SGCZ: variants seen among roughly 807,000 people sequenced by gnomAD.
SGCZ encodes zeta-sarcoglycan.
A neutral mutation model predicts 41.3 loss-of-function variants in SGCZ; 40 were observed. The ratio of observed to expected loss-of-function variants is 0.97; its 90% CI spans 0.75 to 1.26. SGCZ has a LOEUF of 1.26. Among genes scored for constraint, SGCZ ranks in the 50% most tolerant of loss-of-function variants. SGCZ has a pLI of 0.00. For synonymous variants in SGCZ, 206 were observed against 137.5 expected, an observed-to-expected ratio of 1.50 and a Z score of -3.49; for missense variants, 552 against 369.8, an observed-to-expected ratio of 1.49 and a Z score of -4.04.
intron 1 of SGCZ, among the ~76,000 whole-genome samples, chr8:14,746,059 A>C (rs972038824): frequency 7.9e-5 from 12 of 152,038 alleles, no homozygotes; most frequent in African/African-American, 2.7e-4. Flanking sequence ...ATATATTTAG[A>C]AATTATTTTT....
intron 1 of SGCZ, among the ~76,000 whole-genome samples, chr8:14,781,069 T>C (rs1800573316): frequency 6.6e-6 from 1 of 152,186 alleles, no homozygotes; most frequent in Non-Finnish European, 1.5e-5. Flanking sequence ...TTAGTGTATA[T>C]GCCTGAGGGA....
Position 14,791,490 on chromosome 8 carries a change from C to A in SGCZ, c.40-236564G>T, listed in dbSNP as rs556317659. Among the ~76,000 whole-genome samples, 5 of 152,026 alleles carry A rather than the reference C, an allele frequency of 3.3e-5. No individual in the cohort carries two copies. The East Asian group carries it at 9.7e-4, about 29-fold the overall frequency. ...AAAAAAATCCTATTTTTCCTTTAAC[C>A]ACCTAAAATCCACATCCCCTGTAGT... On this transcript the variant is annotated intron_variant, in intron 1 of 7. Coordinates refer to ENST00000382080, the MANE Select transcript of SGCZ (RefSeq NM_139167.4).
At chr8:14,843,099 C>G (rs1021777224) in intron 1 of SGCZ, among the ~76,000 whole-genome samples, 2 of 152,126 alleles carry the variant, frequency 1.3e-5, no homozygotes, top group African/African-American at 4.8e-5. Context: ...GTAATCCCAG[C>G]TACTTGGAAG....
chr8:14,955,160 C>A (rs541572596), intron 1 of SGCZ, among the ~76,000 whole-genome samples: 2 of 152,072 alleles, frequency 1.3e-5, no homozygotes, highest in Admixed American at 6.5e-5. Flanking sequence ...CCATATCCAG[C>A]GTAATTTAGT....
intron 1 of SGCZ, among the ~76,000 whole-genome samples, chr8:14,959,790 A>T (rs10112732): frequency 0.42 from 64,236 of 151,908 alleles, 13,927 homozygotes; most frequent in African/African-American, 0.51. Context: ...CTTATTGGTA[A>T]TCGAAATAGT....
At chr8:14,627,224 C>T (rs556391166) in intron 1 of SGCZ, among the ~76,000 whole-genome samples, 24 of 152,244 alleles carry the variant, frequency 1.6e-4, no homozygotes, top group African/African-American at 5.3e-4. Context: ...TGGTTGTACA[C>T]GAAGACACCA....
intron 1 of SGCZ, among the ~76,000 whole-genome samples, chr8:14,841,873 G>A (rs1802927853): frequency 6.6e-6 from 1 of 152,140 alleles, no homozygotes; most frequent in African/African-American, 2.4e-5. Context: ...ATGAGGACAA[G>A]ATGAGAACTG....
At chr8:14,994,827 T>A (rs77038406) in intron 1 of SGCZ, among the ~76,000 whole-genome samples, 3,364 of 152,250 alleles carry the variant, frequency 0.022, 146 homozygotes, top group African/African-American at 0.076. Flanking sequence ...TTCTCAAATA[T>A]TATACACGTT....
At chr8:14,347,912 AT>A (rs1802947257) in intron 2 of SGCZ, among the ~76,000 whole-genome samples, 2 of 152,090 alleles carry the variant, frequency 1.3e-5, no homozygotes, top group Non-Finnish European at 2.9e-5. Flanking sequence ...TTAAAACTTT[AT>A]TTTCTCTAAA....
At chr8:14,613,005 A>G (rs1322989938) in intron 1 of SGCZ, among the ~76,000 whole-genome samples, 1 of 152,106 alleles carries the variant, frequency 6.6e-6, no homozygotes, top group Non-Finnish European at 1.5e-5. Context: ...TTTTTTAAAG[A>G]GGACAAAAAA....
intron 2 of SGCZ, among the ~76,000 whole-genome samples, chr8:14,324,508 A>T (rs878992069): frequency 6.6e-6 from 1 of 152,082 alleles, no homozygotes; most frequent in Admixed American, 6.5e-5. Flanking sequence ...TCAACTATTT[A>T]TTTTGTATAA....
At chr8:15,002,393 C>A (rs1802458696) in intron 1 of SGCZ, among the ~76,000 whole-genome samples, 1 of 152,132 alleles carries the variant, frequency 6.6e-6, no homozygotes, top group South Asian at 2.1e-4. Context: ...AGAATTTAAT[C>A]ATATAGTACG....
intron 1 of SGCZ, among the ~76,000 whole-genome samples, chr8:15,010,121 T>C (rs1375849007): frequency 6.6e-6 from 1 of 152,198 alleles, no homozygotes; most frequent in Admixed American, 6.5e-5. Context: ...TGTTAGCCTG[T>C]TGTTCATAAT....
At chr8:15,108,033 A>G (rs1259704387) in intron 1 of SGCZ, among the ~76,000 whole-genome samples, 5 of 152,092 alleles carry the variant, frequency 3.3e-5, no homozygotes, top group African/African-American at 1.2e-4. Context: ...GGGATTTACT[A>G]ATAGTTTTTG....
intron 2 of SGCZ, among the ~76,000 whole-genome samples, chr8:14,494,099 A>G (rs1220173657): frequency 6.6e-6 from 1 of 152,214 alleles, no homozygotes; most frequent in Non-Finnish European, 1.5e-5. Flanking sequence ...GGAAGCATGG[A>G]CAGAGTTTCT....
intron 1 of SGCZ, among the ~76,000 whole-genome samples, chr8:15,157,086 C>T (rs931188257): frequency 6.6e-6 from 1 of 152,048 alleles, no homozygotes; most frequent in African/African-American, 2.4e-5. Context: ...CATGAGCATA[C>T]ATACCTGTAC....
At chr8:14,930,063 T>G (rs1444158254) in intron 1 of SGCZ, among the ~76,000 whole-genome samples, 1 of 151,902 alleles carries the variant, frequency 6.6e-6, no homozygotes, top group Non-Finnish European at 1.5e-5. Context: ...AAATTTGGAG[T>G]TGTTCTTTAT....
At chr8:15,114,300 A>T (rs993524108) in intron 1 of SGCZ, among the ~76,000 whole-genome samples, 1 of 152,100 alleles carries the variant, frequency 6.6e-6, no homozygotes. Context: ...CAGCTGCATA[A>T]CCTCAAATCA....
At chr8:14,106,615 T>G (rs1366696057) in intron 6 of SGCZ, among the ~76,000 whole-genome samples, 1 of 152,218 alleles carries the variant, frequency 6.6e-6, no homozygotes, top group Admixed American at 6.5e-5. Flanking sequence ...TTCAACTTTA[T>G]TTATTTTTTG....
Sources: gnomAD v4.1 joint callset for allele counts (sites outside exome capture counted in the v4.1 genomes callset) on GRCh38, gnomAD v4.1.1 for gene constraint, MANE v1.5 for transcripts, NCBI Gene and HGNC (gene_info 2026-07-23, HGNC 2026-07-21) for gene names.